Variants in ADCY8 observed in about 807,000 individuals in gnomAD.
The protein encoded by ADCY8 is adenylate cyclase type 8.
ADCY8 carries 51 observed loss-of-function variants against 119.7 expected under a neutral mutation model. That is an observed-to-expected ratio of 0.43 (90% CI 0.34 to 0.54). The LOEUF is 0.54. Ranked by LOEUF, ADCY8 falls within the 20% of genes least tolerant of loss-of-function variation. ADCY8 has a pLI of 0.03. For synonymous variants in ADCY8, 665 were observed against 651.0 expected, an observed-to-expected ratio of 1.02 and a Z score of -0.33; for missense variants, 1,383 against 1,598.8, an observed-to-expected ratio of 0.87 and a Z score of 2.30.
intron 4 of ADCY8, among the ~76,000 whole-genome samples, chr8:130,940,730 A>T (rs1471311878): frequency 6.6e-6 from 1 of 152,212 alleles, no homozygotes; most frequent in African/African-American, 2.4e-5. Context: ...ATTCAAAAAG[A>T]AAAATAAAGT....
intron 9 of ADCY8, among the ~76,000 whole-genome samples, chr8:130,856,734 T>A (rs1245399286): frequency 6.6e-6 from 1 of 152,206 alleles, no homozygotes; most frequent in Non-Finnish European, 1.5e-5. Flanking sequence ...ATATAGTATA[T>A]ACACCTGGAC....
intron 16 of ADCY8, among the ~76,000 whole-genome samples, chr8:130,784,080 G>T (rs982146659): frequency 6.6e-6 from 1 of 151,944 alleles, no homozygotes; most frequent in Non-Finnish European, 1.5e-5. Context: ...CATCAATTCC[G>T]TAGTGTATGT....
At chr8:130,918,868 C>T (rs1820211193) in intron 5 of ADCY8, among the ~76,000 whole-genome samples, 1 of 152,214 alleles carries the variant, frequency 6.6e-6, no homozygotes, top group Non-Finnish European at 1.5e-5. Flanking sequence ...TGACGCCAGC[C>T]TGGCTAACAT....
chr8:130,851,525 TGTG>T (rs1408477963), intron 9 of ADCY8, among the ~76,000 whole-genome samples: 2 of 152,172 alleles, frequency 1.3e-5, no homozygotes, highest in Admixed American at 1.3e-4. Flanking sequence ...CTGTAGGCAA[TGTG>T]CAGAAGGAAG....
intron 2 of ADCY8, among the ~76,000 whole-genome samples, chr8:130,978,189 G>T (rs1283713572): frequency 6.6e-6 from 1 of 152,124 alleles, no homozygotes; most frequent in African/African-American, 2.4e-5. Flanking sequence ...AGAGATTCTG[G>T]AATAATTGTG....
intron 14 of ADCY8, 26 bp downstream of exon 14, chr8:130,814,043 A>C (rs769567805): frequency 1.2e-5 from 19 of 1,612,876 alleles, no homozygotes; most frequent in Non-Finnish European, 1.6e-5. Flanking sequence ...ACCCTTTCTC[A>C]CTGGCTAGAC....
chr8:130,806,367 G>GC (rs1815958289), intron 14 of ADCY8, among the ~76,000 whole-genome samples: 1 of 152,188 alleles, frequency 6.6e-6, no homozygotes, highest in African/African-American at 2.4e-5. Flanking sequence ...CAATTGCTGA[G>GC]CACAGTGGAA....
intron 11 of ADCY8, among the ~76,000 whole-genome samples, chr8:130,846,939 CTCCT>C (rs1015727852): frequency 8.4e-6 from 1 of 119,396 alleles, no homozygotes; most frequent in Non-Finnish European, 1.7e-5. Flanking sequence ...TTCCTTCCTT[CTCCT>C]TCCTTCCTTC....
At chr8:130,935,702 G>A (rs1378795579) in intron 5 of ADCY8, among the ~76,000 whole-genome samples, 1 of 152,222 alleles carries the variant, frequency 6.6e-6, no homozygotes, top group Non-Finnish European at 1.5e-5. Context: ...TTTAGAGGCT[G>A]TACGCCTATT....
chr8:131,004,084 C>T (rs566799330), intron 1 of ADCY8, among the ~76,000 whole-genome samples: 4 of 152,060 alleles, frequency 2.6e-5, no homozygotes, highest in Non-Finnish European at 2.9e-5. Flanking sequence ...TCACAGTTAT[C>T]GGGAAAGGGT....
At chr8:131,014,220 AT>A in intron 1 of ADCY8, among the ~76,000 whole-genome samples, 1 of 152,270 alleles carries the variant, frequency 6.6e-6, no homozygotes, top group Non-Finnish European at 1.5e-5. Context: ...ATTAACAAGC[AT>A]TTAGTTTACC....
At chr8:130,870,569 T>C (rs1385213823) in intron 8 of ADCY8, among the ~76,000 whole-genome samples, 1 of 152,176 alleles carries the variant, frequency 6.6e-6, no homozygotes, top group Non-Finnish European at 1.5e-5. Context: ...CACCCTCAAG[T>C]TGAACACTCA....
chr8:131,032,749 AC>A (rs1411717742), intron 1 of ADCY8, among the ~76,000 whole-genome samples: 1 of 152,202 alleles, frequency 6.6e-6, no homozygotes, highest in Non-Finnish European at 1.5e-5. Flanking sequence ...TCCTTCATAA[AC>A]AAAACTCACA....
At chr8:131,036,884 C>A (rs559777377) in intron 1 of ADCY8, among the ~76,000 whole-genome samples, 3 of 152,120 alleles carry the variant, frequency 2.0e-5, no homozygotes, top group Non-Finnish European at 4.4e-5. Context: ...GCAACTAGCT[C>A]AGAGAATCAA....
intron 13 of ADCY8, among the ~76,000 whole-genome samples, chr8:130,816,599 G>A (rs968531575): frequency 6.6e-6 from 1 of 151,590 alleles, no homozygotes; most frequent in Non-Finnish European, 1.5e-5. Context: ...CTAATTTTTT[G>A]TATTTTTAGT....
At chr8:130,856,194 C>G (rs1433553225) in intron 9 of ADCY8, among the ~76,000 whole-genome samples, 1 of 151,996 alleles carries the variant, frequency 6.6e-6, no homozygotes, top group Non-Finnish European at 1.5e-5. Flanking sequence ...ACCCCAACTC[C>G]CACACATCGA....
chr8:130,941,537 C>A (rs1052707676), intron 4 of ADCY8, among the ~76,000 whole-genome samples: 2 of 152,062 alleles, frequency 1.3e-5, no homozygotes, highest in Non-Finnish European at 2.9e-5. Context: ...GTAACTGATA[C>A]CAACCACCAC....
intron 9 of ADCY8, among the ~76,000 whole-genome samples, chr8:130,857,418 T>C (rs1817780705): frequency 6.6e-6 from 1 of 152,206 alleles, no homozygotes; most frequent in South Asian, 2.1e-4. Context: ...ATTTGTCTTT[T>C]AAATCTTAAA....
At chr8:130,784,797 C>T (rs12546136) in intron 16 of ADCY8, among the ~76,000 whole-genome samples, 89,847 of 151,984 alleles carry the variant, frequency 0.59, 27,191 homozygotes, top group African/African-American at 0.67. Flanking sequence ...AAAAAGCATA[C>T]GAAGGATTGG....
Sources: allele counts gnomAD v4.1 joint callset (sites outside exome capture counted in the v4.1 genomes callset), GRCh38; gene constraint gnomAD v4.1.1; transcripts MANE v1.5; gene names NCBI Gene and HGNC (gene_info 2026-07-23, HGNC 2026-07-21).